DNM1L: variants seen among roughly 807,000 people sequenced by gnomAD.
DNM1L encodes the protein dynamin-1-like protein.
A neutral mutation model predicts 92.8 loss-of-function variants in DNM1L; 33 were observed. The ratio of observed to expected loss-of-function variants is 0.36; its 90% CI spans 0.27 to 0.48. The LOEUF (loss-of-function observed/expected upper bound fraction) is 0.48. Ranked by LOEUF, DNM1L falls within the 20% of genes least tolerant of loss-of-function variation. The pLI, the probability that DNM1L is intolerant of heterozygous loss-of-function variation, is 0.99. For missense variants in DNM1L, 485 were observed against 888.8 expected (o/e 0.55, Z 5.78); for synonymous variants, 284 against 305.0 (o/e 0.93, Z 0.72).
chr12:32,743,320 A>G (rs374108373), intron 19 of DNM1L, 34 bp from the exon 20 acceptor site: 1 of 1,592,302 alleles, frequency 6.3e-7, no homozygotes, highest in African/African-American at 1.3e-5. Context: ...TAACTTTATA[A>G]TAAGCATTTA....
At position 32,679,794 on chromosome 12, in the gene DNM1L, C is replaced by T. The variant is rs563477078; in HGVS notation, c.102+329C>T. 79 of 1,037,446 alleles carry T rather than the reference C, an allele frequency of 7.6e-5. 1 individual carries two copies. The South Asian group carries it at 3.2e-3, about 42-fold the overall frequency. 64.3% of individuals were successfully genotyped at this position (1,037,446 alleles called of 1,614,324 possible). On this transcript the variant is annotated intron_variant, in intron 1 of 19. Transcript: ENST00000549701. Reference sequence around the variant, plus strand: ...GGAGTCCGCTGGGACCGGGCGCGGCCTCGTCCGCGTGCCGCTGCCTCCAAG... The same window carrying T: ...GGAGTCCGCTGGGACCGGGCGCGGCTTCGTCCGCGTGCCGCTGCCTCCAAG...
At chr12:32,724,332 C>G (rs533933883) in intron 9 of DNM1L, among the ~76,000 whole-genome samples, 2 of 152,010 alleles carry the variant, frequency 1.3e-5, no homozygotes, top group East Asian at 1.9e-4. Context: ...AATCCCAGCA[C>G]TTTGGGAGGC....
At chr12:32,700,418 A>G (rs952651649) in intron 1 of DNM1L, among the ~76,000 whole-genome samples, 4 of 150,542 alleles carry the variant, frequency 2.7e-5, no homozygotes, top group Non-Finnish European at 5.9e-5. Context: ...TAATGTATTG[A>G]TATGGAACAA....
intron 1 of DNM1L, among the ~76,000 whole-genome samples, chr12:32,700,592 A>G (rs1222843578): frequency 2.6e-5 from 4 of 151,982 alleles, no homozygotes; most frequent in South Asian, 2.1e-4. Flanking sequence ...ACAAAATACA[A>G]AAATTAGCCA....
chr12:32,703,329 A>G (rs567211784), intron 2 of DNM1L, among the ~76,000 whole-genome samples: 26 of 152,074 alleles, frequency 1.7e-4, no homozygotes, highest in African/African-American at 5.1e-4. Context: ...CTGATTTTGT[A>G]TATATATTTG....
At chr12:32,695,249 A>G (rs1429012784) in intron 1 of DNM1L, among the ~76,000 whole-genome samples, 2 of 152,228 alleles carry the variant, frequency 1.3e-5, no homozygotes, top group Non-Finnish European at 1.5e-5. Context: ...TCAAAAGTCA[A>G]CAGTATGAAA....
At chr12:32,701,822 G>T (rs918357765) in intron 2 of DNM1L, among the ~76,000 whole-genome samples, 3 of 151,718 alleles carry the variant, frequency 2.0e-5, no homozygotes, top group African/African-American at 7.3e-5. Context: ...CCACCTACTG[G>T]GTTCAAGCAA....
chr12:32,737,930 G>T lies in DNM1L; in HGVS notation c.1662G>T (p.Glu554Asp). ...SQEPSPAASA[E>D]ADGKLIQDSR... Reference sequence around the variant, plus strand: ...AGCCCTCCCCCGCTGCTTCTGCTGAGGCTGATGGCAAGGTCTGTTCTGATT... The same window carrying T: ...AGCCCTCCCCCGCTGCTTCTGCTGATGCTGATGGCAAGGTCTGTTCTGATT... Residue 554 changes from glutamate (E) to aspartate (D), a missense_variant, in exon 15 of 20, where the codon GAG becomes GAT. Physicochemically the swap from Glu to Asp is conservative, Grantham distance 45. This residue lies in a region of DNM1L where 65 missense variants were observed against 59.4 expected (regional missense o/e 1.09). Transcript: ENST00000549701. The T allele has an allele frequency of 6.2e-7, 1 of 1,613,912 alleles. No individual in the cohort carries two copies. The highest frequency in any genetic ancestry group is 8.5e-7 in the Non-Finnish European group (1 of 1,179,984).
chr12:32,723,138 CT>C (rs749276773), intron 9 of DNM1L, among the ~76,000 whole-genome samples: 327 of 142,254 alleles, frequency 2.3e-3, no homozygotes, highest in Admixed American at 2.3e-3. Flanking sequence ...AAATTCCATC[CT>C]TTTTTTTTTT....
In DNM1L at chr12:32,720,707, A is replaced by G. The variant is rs1450536271; in HGVS notation, c.784A>G (p.Ile262Val). Residue 262 changes from isoleucine to valine, a missense_variant, in exon 8 of 20, where the codon ATC (isoleucine) becomes GTC (valine). Transcript: ENST00000549701. ...CAACAAGAAGAGTGTAACTGATTCA[A>G]TCCGTGATGAGTATGCTTTTCTTCA... ...INNKKSVTDS[I>V]RDEYAFLQKK... 5 of 1,613,976 alleles carry G rather than the reference A, an allele frequency of 3.1e-6. No homozygotes were observed. The highest frequency in any genetic ancestry group is 2.2e-5 in the East Asian group (1 of 44,820).
rs189459745 is a variant in DNM1L at position 32,708,601 on chromosome 12, T to C, written c.369+377T>C. ...AACTCAGGAAGCATTGTTTCACTTATATATATATCTTTTGAGGAGTTCTTT... is the reference window on the plus strand; with the variant it reads ...AACTCAGGAAGCATTGTTTCACTTACATATATATCTTTTGAGGAGTTCTTT... On this transcript the variant is annotated intron_variant, in intron 4 of 19. Coordinates refer to ENST00000549701, the MANE Select transcript of DNM1L (RefSeq NM_012062.5). 1.1e-4 allele frequency among the ~76,000 whole-genome samples: 17 copies of C among 152,248 alleles called. No individual in the cohort carries two copies. In the East Asian group the frequency reaches 3.1e-3, roughly 28 times the overall value.
rs1954557832 is a variant in DNM1L at position 32,731,597 on chromosome 12, G to A, written c.1356+86G>A. On this transcript the variant is annotated intron_variant, in intron 11 of 19. Coordinates refer to ENST00000549701, the MANE Select transcript of DNM1L (RefSeq NM_012062.5). This position sits in a 1 kb window ranked among gnomAD's most constrained non-coding sequence, Gnocchi z 5.1. ...TCACTGGGTGGAAGGAAATGTATAA[G>A]ATGGGATACAAGGTAAAATCTGTAG... 1.0e-5 allele frequency: 16 copies of A among 1,537,916 alleles called. No individual in the cohort carries two copies. The Admixed American group carries it at 2.8e-4, about 27-fold the overall frequency.
chr12:32,740,923 G>A lies in DNM1L; in HGVS notation c.1994+405G>A, dbSNP rs867394915. ...CTAGGAAATATGTGTATTTTTTCTC[G>A]TTCAGAATGTTTTTTCATGTGTCTA... On this transcript the variant is annotated intron_variant, in intron 18 of 19. Coordinates refer to ENST00000549701, the MANE Select transcript of DNM1L (RefSeq NM_012062.5). Among the ~76,000 whole-genome samples the A allele has an allele frequency of 3.3e-5, 5 of 151,976 alleles. 1 individual carries two copies. The highest frequency in any genetic ancestry group is 4.1e-4 in the South Asian group (2 of 4,824).
At chr12:32,733,608 C>T in intron 12 of DNM1L, 107 bp from the exon 13 acceptor site, 1 of 869,648 alleles carries the variant, frequency 1.1e-6, no homozygotes, top group Non-Finnish European at 1.9e-6. Context: ...CATAAGTTTC[C>T]TGTACTTTTT....
rs761914039 is a variant in DNM1L, at chr12:32,733,808, G to A, written c.1539+1G>A. 3 of 1,612,230 alleles carry A rather than the reference G, an allele frequency of 1.9e-6. No individual in the cohort carries two copies. ...TGGGCTAATGAACAATAATATAGAG[G>A]TAAATATAATTCTTAAATGCTTTTT... On this transcript the variant is annotated splice_donor_variant, in intron 13 of 19. Coordinates refer to ENST00000549701, the MANE Select transcript of DNM1L (RefSeq NM_012062.5). LOFTEE classifies it high-confidence loss of function.
At chr12:32,689,195 T>C (rs1952136910) in intron 1 of DNM1L, among the ~76,000 whole-genome samples, 2 of 152,050 alleles carry the variant, frequency 1.3e-5, no homozygotes, top group African/African-American at 4.8e-5. Context: ...AGTTTAGCTA[T>C]TTTATTTTAT....
intron 2 of DNM1L, among the ~76,000 whole-genome samples, chr12:32,702,783 G>A (rs1479799604): frequency 6.6e-6 from 1 of 152,042 alleles, no homozygotes; most frequent in Non-Finnish European, 1.5e-5. Flanking sequence ...GATGTTGCAA[G>A]TAATATTTTT....
In DNM1L at chr12:32,720,982, C is replaced by T. The variant is rs11052203; in HGVS notation, c.872+187C>T. ...TGGGGTGGTTGACATTACATCATCA[C>T]GTAGTCTAGAATGAATGTACAAGTG... On this transcript the variant is annotated intron_variant, in intron 8 of 19. Transcript: ENST00000549701. Among the ~76,000 whole-genome samples the T allele has an allele frequency of 0.14, 21,526 of 152,110 alleles. 1,561 individuals carry two copies. Among genetic ancestry groups the T allele is most frequent in the Middle Eastern group, 0.19 (55 of 294 alleles).
chr12:32,709,127 T>C (rs149316293), intron 4 of DNM1L, among the ~76,000 whole-genome samples: 239 of 152,296 alleles, frequency 1.6e-3, no homozygotes, highest in Middle Eastern at 6.8e-3. Flanking sequence ...TTACAGTGAC[T>C]GACTGAGCTT....
Sources: allele counts gnomAD v4.1 joint callset (sites outside exome capture counted in the v4.1 genomes callset), GRCh38; gene constraint gnomAD v4.1.1; regional missense constraint gnomAD v4.1.1; non-coding constraint Gnocchi (gnomAD v3.1); transcripts MANE v1.5; gene names NCBI Gene and HGNC (gene_info 2026-07-23, HGNC 2026-07-21).